PKP2: variants seen among roughly 807,000 people sequenced by gnomAD.
The protein encoded by PKP2 is plakophilin-2.
In PKP2, 73 loss-of-function variants were observed where a neutral mutation model predicts 83.4. The ratio of observed to expected loss-of-function variants is 0.88; its 90% CI spans 0.72 to 1.06. The LOEUF (loss-of-function observed/expected upper bound fraction) is 1.06, where lower values mean the gene tolerates loss of function less well. PKP2 is among the 50% of genes least tolerant of loss of function. The pLI, the probability that PKP2 is intolerant of heterozygous loss-of-function variation, is 0.00. For synonymous variants in PKP2, 409 were observed against 430.4 expected, an observed-to-expected ratio of 0.95 and a Z score of 0.62; for missense variants, 966 against 1,065.4, an observed-to-expected ratio of 0.91 and a Z score of 1.30.
intron 6 of PKP2, among the ~76,000 whole-genome samples, chr12:32,825,686 T>G (rs1404519251): frequency 2.6e-5 from 4 of 152,148 alleles, no homozygotes; most frequent in African/African-American, 9.6e-5. Flanking sequence ...GAGGACTGCT[T>G]GAGCCCAGGA....
intron 3 of PKP2, among the ~76,000 whole-genome samples, chr12:32,874,121 T>C (rs1017981024): frequency 6.6e-6 from 1 of 152,188 alleles, no homozygotes; most frequent in African/African-American, 2.4e-5. Context: ...CTTAAGTCAT[T>C]ATGCAGGTTT....
chr12:32,845,527 C>T (rs1229009228), intron 5 of PKP2, among the ~76,000 whole-genome samples: 1 of 151,750 alleles, frequency 6.6e-6, no homozygotes, highest in South Asian at 2.1e-4. Context: ...ACTCCAGCCT[C>T]GGCAACAGAG....
At chr12:32,824,588 C>A (rs1362833638) in intron 6 of PKP2, among the ~76,000 whole-genome samples, 1 of 152,160 alleles carries the variant, frequency 6.6e-6, no homozygotes, top group Non-Finnish European at 1.5e-5. Context: ...CCTCAGTTTC[C>A]TCACTTGTAA....
chr12:32,819,302 A>ACAATG lies in PKP2; in HGVS notation c.2013+2053_2013+2054insCATTG, dbSNP rs1956352044. On this transcript the variant is annotated intron_variant, in intron 9 of 12. Transcript: ENST00000340811. ...CAAAATAAATACAATACAATACAATACAATACAATACAATAAAATAAAATA... is the reference window on the plus strand; with the variant it reads ...CAAAATAAATACAATACAATACAATACAATGCAATACAATACAATAAAATAAAATA... 1.2e-4 allele frequency among the ~76,000 whole-genome samples: 3 copies of ACAATG among 24,716 alleles called. No homozygotes were observed. In the South Asian group the frequency reaches 3.2e-3, roughly 26 times the overall value. The allele number at this position is 24,716 out of a possible 152,430, so 16.2% of individuals were successfully genotyped here. A position where few individuals can be genotyped will look rare whatever the true frequency, so the allele number is the denominator to read the frequency against.
At chr12:32,856,507 A>G (rs1213759616) in intron 4 of PKP2, among the ~76,000 whole-genome samples, 1 of 152,092 alleles carries the variant, frequency 6.6e-6, no homozygotes, top group Non-Finnish European at 1.5e-5. Flanking sequence ...GTAAGGAAAA[A>G]AGAAGGTTCA....
chr12:32,861,563 T>C (rs1592755179), intron 4 of PKP2, among the ~76,000 whole-genome samples: 1 of 152,100 alleles, frequency 6.6e-6, no homozygotes, highest in Non-Finnish European at 1.5e-5. Context: ...GAAAGAAGAC[T>C]AAAAAAGAAA....
chr12:32,821,384 A>G lies in PKP2; in HGVS notation c.1985T>C (p.Leu662Pro), dbSNP rs878854709. ...NYTQEASLGA[L>P]QNLTAGSGPM... The stretch of plus-strand genomic sequence containing the variant: ...TCCACTTCCGGCCGTGAGGTTCTGC[A>G]GAGCTCCTAAGGATGCTTCTTGTGT... Residue 662 changes from leucine to proline, a missense_variant, in exon 9 of 13, where the codon CTG (leucine) becomes CCG (proline). Transcript: ENST00000340811. 6.2e-7 allele frequency: 1 copy of G among 1,614,066 alleles called. No homozygotes were observed. The highest frequency in any genetic ancestry group is 8.5e-7 in the Non-Finnish European group (1 of 1,180,030).
intron 6 of PKP2, among the ~76,000 whole-genome samples, chr12:32,827,380 A>G (rs1956452329): frequency 1.3e-5 from 2 of 152,238 alleles, no homozygotes; most frequent in Admixed American, 1.3e-4. Context: ...TCAACTACAC[A>G]GAAATATGAA....
chr12:32,823,339 C>T (rs1441094249), intron 7 of PKP2, among the ~76,000 whole-genome samples: 2 of 150,720 alleles, frequency 1.3e-5, no homozygotes, highest in Non-Finnish European at 2.9e-5. Context: ...ATTGCTTGAA[C>T]CCAGGAGGCA....
intron 10 of PKP2, 129 bp from the exon 11 acceptor site, chr12:32,796,427 G>A: frequency 2.4e-6 from 2 of 843,592 alleles, no homozygotes; most frequent in South Asian, 1.6e-5. Context: ...CTGTTGCCCA[G>A]GCTGGAGTGC....
At position 32,862,823 on chromosome 12, in the gene PKP2, A is replaced by T. The variant is rs1164590209; in HGVS notation, c.1170+6104T>A. Among the ~76,000 whole-genome samples the T allele has an allele frequency of 2.0e-5, 3 of 151,216 alleles. No individual in the cohort carries two copies. In the East Asian group the frequency reaches 5.9e-4, roughly 30 times the overall value. On this transcript the variant is annotated intron_variant, in intron 4 of 12. Coordinates refer to ENST00000340811, the MANE Select transcript of PKP2 (RefSeq NM_001005242.3). Reference sequence around the variant, plus strand: ...AGACCAGACTGGCCAACATGGCAAAACCCTACCTCTACTAAAAATACAAAA... The same window carrying T: ...AGACCAGACTGGCCAACATGGCAAATCCCTACCTCTACTAAAAATACAAAA...
intron 5 of PKP2, among the ~76,000 whole-genome samples, chr12:32,845,797 A>T (rs1218661224): frequency 6.6e-6 from 1 of 151,950 alleles, no homozygotes; most frequent in Admixed American, 6.6e-5. Flanking sequence ...GAGTGGGAGG[A>T]ATTTTTTTTT....
chr12:32,870,374 T>C (rs74072957), intron 3 of PKP2, among the ~76,000 whole-genome samples: 1 of 152,032 alleles, frequency 6.6e-6, no homozygotes, highest in Non-Finnish European at 1.5e-5. Flanking sequence ...CCCCTGCTTC[T>C]GAAACACGTG....
At chr12:32,796,805 C>T (rs914265077) in intron 10 of PKP2, among the ~76,000 whole-genome samples, 2 of 152,118 alleles carry the variant, frequency 1.3e-5, no homozygotes, top group African/African-American at 4.8e-5. Context: ...ACTCTGTGCT[C>T]AGTATATTGA....
chr12:32,855,049 T>A (rs1330995620), intron 4 of PKP2, among the ~76,000 whole-genome samples: 1 of 152,226 alleles, frequency 6.6e-6, no homozygotes. Context: ...AATTAATCAC[T>A]CCCTGTAAAC....
At chr12:32,847,139 A>G (rs1463118636) in intron 5 of PKP2, among the ~76,000 whole-genome samples, 7 of 152,190 alleles carry the variant, frequency 4.6e-5, no homozygotes, top group Non-Finnish European at 7.3e-5. Context: ...AGTAAGATTC[A>G]CATATATACT....
intron 6 of PKP2, among the ~76,000 whole-genome samples, chr12:32,831,530 T>G (rs374515275): frequency 3.3e-5 from 5 of 152,234 alleles, no homozygotes; most frequent in African/African-American, 9.6e-5. Flanking sequence ...AAGACTCAAC[T>G]CATAAGCTAA....
chr12:32,796,234 G>A lies in PKP2; in HGVS notation c.2232C>T (p.Leu744=), dbSNP rs765938307. The A allele has an allele frequency of 6.2e-7, 1 of 1,613,552 alleles. No individual in the cohort carries two copies. Among genetic ancestry groups the A allele is most frequent in the Non-Finnish European group, 8.5e-7 (1 of 1,179,718 alleles). Residue 744 remains leucine, a synonymous_variant, in exon 11 of 13, where the codon CTC becomes CTT. Transcript: ENST00000340811. ...AACAGGCAGAGGCTGTAGTTTCAAT[G>A]AGAAGGTCAGTACTCGGGACTGTGT... ...IPDTVPSTDL[L]IETTASACYT... is the part of the protein sequence containing the mutation.
Position 32,871,367 on chromosome 12 carries a change from C to T in PKP2, c.1035-2305G>A, listed in dbSNP as rs1197393308. 6.6e-5 allele frequency among the ~76,000 whole-genome samples: 10 copies of T among 152,140 alleles called. 1 individual carries two copies. On this transcript the variant is annotated intron_variant, in intron 3 of 12. Coordinates refer to ENST00000340811, the MANE Select transcript of PKP2 (RefSeq NM_001005242.3). Reference sequence around the variant, plus strand: ...TGAGAGTGCAGTGATGTGATCATAGCTCACCATAACCTCAACCTCCTGGGC... The same window carrying T: ...TGAGAGTGCAGTGATGTGATCATAGTTCACCATAACCTCAACCTCCTGGGC...
Sources: gnomAD v4.1 joint callset for allele counts (sites outside exome capture counted in the v4.1 genomes callset) on GRCh38, gnomAD v4.1.1 for gene constraint, MANE v1.5 for transcripts, NCBI Gene and HGNC (gene_info 2026-07-23, HGNC 2026-07-21) for gene names.